The following OTUD7A variants were observed in gnomAD, a reference collection of about 807,000 sequenced individuals.
The protein encoded by OTUD7A is OTU domain-containing protein 7A.
A neutral mutation model predicts 65.7 loss-of-function variants in OTUD7A; 12 were observed. The ratio of observed to expected loss-of-function variants is 0.18; its 90% CI spans 0.12 to 0.30. The LOEUF is 0.30. Among genes scored for constraint, OTUD7A ranks in the 10% least tolerant of loss-of-function variants. The pLI is 1.00. For missense variants in OTUD7A, 1,148 were observed against 1,304.8 expected (o/e 0.88, Z 1.85); for synonymous variants, 641 against 586.3 (o/e 1.09, Z -1.35).
At chr15:31,696,456 AGAT>A (rs1408284066) in intron 1 of OTUD7A, among the ~76,000 whole-genome samples, 1 of 120,202 alleles carries the variant, frequency 8.3e-6, no homozygotes, top group African/African-American at 2.9e-5. Flanking sequence ...CTCACCATCT[AGAT>A]GATGCCTGTG....
intron 1 of OTUD7A, among the ~76,000 whole-genome samples, chr15:31,824,438 G>GA (rs1204370085): frequency 6.6e-6 from 1 of 152,156 alleles, no homozygotes; most frequent in African/African-American, 2.4e-5. Context: ...CAAAGATAAT[G>GA]AAAGGAAAGG....
Position 31,483,287 on chromosome 15 carries a change from G to A in OTUD7A, c.*7C>T, listed in dbSNP as rs1303182394. 4 of 1,110,056 alleles carry A rather than the reference G, an allele frequency of 3.6e-6. No homozygotes were observed. The highest frequency in any genetic ancestry group is 4.4e-6 in the Non-Finnish European group (4 of 912,230). 68.8% of individuals were successfully genotyped at this position (1,110,056 alleles called of 1,614,324 possible). ...AGAACCTCGCCGCCCGCGCCGCGCC[G>A]CGCCGCTCAGGGCCGGGCCCCGCGC... On this transcript the variant is annotated 3_prime_UTR_variant, in exon 13 of 13. Coordinates refer to ENST00000307050, the MANE Select transcript of OTUD7A (RefSeq NM_001382637.1).
At chr15:31,604,023 G>C (rs1312398876) in intron 3 of OTUD7A, among the ~76,000 whole-genome samples, 2 of 152,212 alleles carry the variant, frequency 1.3e-5, no homozygotes, top group African/African-American at 4.8e-5. Context: ...AACCATTGTG[G>C]AAGACAGTGT....
At chr15:31,763,758 C>T (rs1417926197) in intron 1 of OTUD7A, among the ~76,000 whole-genome samples, 5 of 151,978 alleles carry the variant, frequency 3.3e-5, no homozygotes, top group Non-Finnish European at 7.4e-5. Flanking sequence ...GCTGAAAAAC[C>T]AAAGACAAGA....
chr15:31,606,331 G>A (rs1890238509), intron 3 of OTUD7A, among the ~76,000 whole-genome samples: 1 of 152,184 alleles, frequency 6.6e-6, no homozygotes, highest in Admixed American at 6.5e-5. Flanking sequence ...AGGTTTCAGA[G>A]GCCTCCGTTA....
At chr15:31,772,800 C>T (rs554833202) in intron 1 of OTUD7A, among the ~76,000 whole-genome samples, 2 of 152,134 alleles carry the variant, frequency 1.3e-5, no homozygotes, top group South Asian at 4.2e-4. Context: ...CTTTATAAGC[C>T]CAAATATATC....
chr15:31,794,804 T>C (rs1478966253), intron 1 of OTUD7A, among the ~76,000 whole-genome samples: 1 of 152,176 alleles, frequency 6.6e-6, no homozygotes, highest in Non-Finnish European at 1.5e-5. Flanking sequence ...CAATCTTAAG[T>C]TGCAAATAAA....
chr15:31,506,826 A>C (rs1244913491), intron 8 of OTUD7A, among the ~76,000 whole-genome samples: 1 of 152,212 alleles, frequency 6.6e-6, no homozygotes, highest in African/African-American at 2.4e-5. Context: ...AAATTTTAGG[A>C]AATAGCAGAG....
At chr15:31,720,839 G>A (rs531300477) in intron 1 of OTUD7A, among the ~76,000 whole-genome samples, 3,011 of 151,128 alleles carry the variant, frequency 0.02, 29 homozygotes, top group African/African-American at 0.069. Context: ...CTCACCCAGA[G>A]CAGCTCCCAG....
chr15:31,842,510 T>C (rs1427585192), intron 1 of OTUD7A, among the ~76,000 whole-genome samples: 1 of 152,164 alleles, frequency 6.6e-6, no homozygotes, highest in Admixed American at 6.5e-5. Context: ...TGAAGCTGAA[T>C]CCCTCTGATG....
chr15:31,701,129 C>T (rs1595715383), intron 1 of OTUD7A, among the ~76,000 whole-genome samples: 3 of 152,072 alleles, frequency 2.0e-5, no homozygotes, highest in South Asian at 4.2e-4. Context: ...AGATTAAAAG[C>T]GACTAATGAG....
At chr15:31,772,961 T>C (rs1895279855) in intron 1 of OTUD7A, among the ~76,000 whole-genome samples, 1 of 152,202 alleles carries the variant, frequency 6.6e-6, no homozygotes, top group Non-Finnish European at 1.5e-5. Flanking sequence ...AAGTGGTGTT[T>C]TTCTGTACTA....
At chr15:31,571,027 A>C (rs879537876) in intron 3 of OTUD7A, among the ~76,000 whole-genome samples, 3 of 152,230 alleles carry the variant, frequency 2.0e-5, no homozygotes, top group Non-Finnish European at 4.4e-5. Context: ...CTAGAAATGT[A>C]GATTTGGAAT....
chr15:31,580,932 C>T (rs576482040), intron 3 of OTUD7A, among the ~76,000 whole-genome samples: 2 of 152,264 alleles, frequency 1.3e-5, no homozygotes, highest in South Asian at 2.1e-4. Context: ...CCAACAGTCC[C>T]CCAAAGTCTT....
intron 3 of OTUD7A, among the ~76,000 whole-genome samples, chr15:31,616,491 C>T (rs188366692): frequency 1.4e-3 from 218 of 152,264 alleles, no homozygotes; most frequent in African/African-American, 4.9e-3. Flanking sequence ...TGGGCCAATT[C>T]CACTCTGCCC....
chr15:31,742,363 T>C (rs1383389571), intron 1 of OTUD7A, among the ~76,000 whole-genome samples: 6 of 152,134 alleles, frequency 3.9e-5, no homozygotes, highest in Non-Finnish European at 7.4e-5. Flanking sequence ...GGTTTAACAC[T>C]ACAATATTTG....
At chr15:31,835,955 C>T (rs1437777189) in intron 1 of OTUD7A, among the ~76,000 whole-genome samples, 1 of 16,910 alleles carries the variant, frequency 5.9e-5, no homozygotes, top group African/African-American at 6.4e-5. Context: ...ATCTGAAATC[C>T]AAAATACCCC....
intron 1 of OTUD7A, among the ~76,000 whole-genome samples, chr15:31,739,599 CT>C (rs549708057): frequency 8.7e-5 from 13 of 149,340 alleles, no homozygotes; most frequent in African/African-American, 1.2e-4. Flanking sequence ...CTCACCATAT[CT>C]TTTTTTTTTG....
chr15:31,546,766 T>C (rs369438437), intron 5 of OTUD7A, among the ~76,000 whole-genome samples: 5 of 152,212 alleles, frequency 3.3e-5, no homozygotes, highest in East Asian at 1.9e-4. Flanking sequence ...TGTATATACA[T>C]TGCAGTGCAA....
Sources: allele counts gnomAD v4.1 joint callset (sites outside exome capture counted in the v4.1 genomes callset), GRCh38; gene constraint gnomAD v4.1.1; transcripts MANE v1.5; gene names NCBI Gene and HGNC (gene_info 2026-07-23, HGNC 2026-07-21).